The following DRGX variants were observed in gnomAD, a reference collection of about 807,000 sequenced individuals.
DRGX encodes the protein dorsal root ganglia homeobox, also known as dorsal root ganglia homeobox protein.
A neutral mutation model predicts 28.6 loss-of-function variants in DRGX; 21 were observed. The observed-to-expected ratio is 0.73, with a 90% CI of 0.52 to 1.06. The LOEUF (loss-of-function observed/expected upper bound fraction) is 1.06. DRGX is among the 50% of genes least tolerant of loss of function. DRGX has a pLI of 0.00. For missense variants in DRGX, 354 were observed against 343.9 expected (o/e 1.03, Z -0.23); for synonymous variants, 136 against 139.1 (o/e 0.98, Z 0.16).
chr10:49,382,313 G>A (rs1010162021), intron 6 of DRGX, among the ~76,000 whole-genome samples: 5 of 152,120 alleles, frequency 3.3e-5, no homozygotes, highest in Admixed American at 1.3e-4. Context: ...CCCAAGCCTC[G>A]GTTTCTCATT....
intron 6 of DRGX, among the ~76,000 whole-genome samples, chr10:49,373,745 C>G (rs1337076416): frequency 6.6e-6 from 1 of 152,104 alleles, no homozygotes; most frequent in Non-Finnish European, 1.5e-5. Context: ...TATAAGTCCC[C>G]GGGTTTACGG....
rs1564708744 is a variant in DRGX, at chr10:49,386,669, C to A, written c.413+11G>T. 1 of 1,573,590 alleles carries A rather than the reference C, an allele frequency of 6.4e-7. No homozygotes were observed. The highest frequency in any genetic ancestry group is 8.6e-7 in the Non-Finnish European group (1 of 1,160,244). On this transcript the variant is annotated intron_variant, in intron 5 of 6. Coordinates refer to ENST00000374139, the MANE Select transcript of DRGX (RefSeq NM_001276451.2). ...CCATGGCCCACCGGGCCCAGAGACC[C>A]ACAGCCTCACCTCTGCTGGGCCTCC...
At chr10:49,385,689 C>T (rs2132481796) in intron 6 of DRGX, among the ~76,000 whole-genome samples, 1 of 152,142 alleles carries the variant, frequency 6.6e-6, no homozygotes, top group East Asian at 1.9e-4. Context: ...GGTGTGTCTC[C>T]TACTTCCTAT....
At chr10:49,387,665 A>C (rs992022529) in intron 4 of DRGX, among the ~76,000 whole-genome samples, 9 of 149,168 alleles carry the variant, frequency 6.0e-5, no homozygotes, top group African/African-American at 1.5e-4. Context: ...TCCATCACAA[A>C]AAAAAAAAAA....
intron 2 of DRGX, among the ~76,000 whole-genome samples, chr10:49,393,293 C>G (rs536688781): frequency 6.6e-6 from 1 of 152,174 alleles, no homozygotes; most frequent in Non-Finnish European, 1.5e-5. Flanking sequence ...AATGATGTAG[C>G]AATATAATTT....
chr10:49,386,762 G>T lies in DRGX; in HGVS notation c.331C>A (p.Pro111Thr). 2 of 1,610,466 alleles carry T rather than the reference G, an allele frequency of 1.2e-6. No homozygotes were observed. Among genetic ancestry groups the T allele is most frequent in the Non-Finnish European group, 1.7e-6 (2 of 1,178,358 alleles). ...GAGTTGATGTTTCTCACTGGAGGAG[G>T]TGTCACCTCTGCCATGGGCTCCTTG... ...GAKEPMAEVT[P>T]PPVRNINSPP... The change falls in exon 5 of 7, where the codon CCT becomes ACT. Residue 111 changes from proline to threonine, a missense_variant. Pro to Thr is a conservative substitution (Grantham distance 38). Transcript: ENST00000374139.
chr10:49,371,646 G>A (rs1391445723), intron 6 of DRGX, among the ~76,000 whole-genome samples: 1 of 152,034 alleles, frequency 6.6e-6, no homozygotes, highest in Non-Finnish European at 1.5e-5. Context: ...ACAAAAATTA[G>A]CCAGGCATGA....
chr10:49,383,263 C>T (rs1365739758), intron 6 of DRGX, among the ~76,000 whole-genome samples: 5 of 152,202 alleles, frequency 3.3e-5, no homozygotes, highest in African/African-American at 4.8e-5. Flanking sequence ...TGGCAGGTTG[C>T]CTGGTAGAGC....
intron 6 of DRGX, among the ~76,000 whole-genome samples, chr10:49,367,305 GTGAGCCATGATTGCATCAC>G (rs1220515990): frequency 6.6e-6 from 1 of 152,038 alleles, no homozygotes; most frequent in Non-Finnish European, 1.5e-5. Flanking sequence ...CAAGGGTACA[GTGAGCCATGATTGCATCAC>G]TGCACTCCAG....
chr10:49,393,972 A>C (rs994212914), intron 2 of DRGX, among the ~76,000 whole-genome samples: 21 of 152,068 alleles, frequency 1.4e-4, no homozygotes, highest in Admixed American at 6.6e-5. Context: ...TGCCTTACCC[A>C]CTTTGACCAG....
intron 6 of DRGX, among the ~76,000 whole-genome samples, chr10:49,378,770 A>C (rs1446921044): frequency 6.6e-6 from 1 of 152,224 alleles, no homozygotes; most frequent in African/African-American, 2.4e-5. Flanking sequence ...ATCTATGACT[A>C]AACCTAATTG....
At chr10:49,382,286 GCAAGCGACTTCCCCTCCC>G (rs1300696094) in intron 6 of DRGX, among the ~76,000 whole-genome samples, 7 of 152,202 alleles carry the variant, frequency 4.6e-5, no homozygotes, top group Non-Finnish European at 7.3e-5. Context: ...TGATGTGTGA[GCAAGCGACTTCCCCTCCC>G]CAAGCCTCGG....
chr10:49,376,653 G>C (rs1378994304), intron 6 of DRGX, among the ~76,000 whole-genome samples: 1 of 152,168 alleles, frequency 6.6e-6, no homozygotes, highest in Non-Finnish European at 1.5e-5. Context: ...GGCACCATTA[G>C]GTATGGCTGT....
intron 6 of DRGX, among the ~76,000 whole-genome samples, chr10:49,371,262 A>T (rs1849656241): frequency 6.6e-6 from 1 of 152,174 alleles, no homozygotes; most frequent in South Asian, 2.1e-4. Flanking sequence ...AACATGATGG[A>T]GCTTCATCCT....
At chr10:49,375,881 G>A (rs1849711409) in intron 6 of DRGX, among the ~76,000 whole-genome samples, 1 of 152,254 alleles carries the variant, frequency 6.6e-6, no homozygotes, top group East Asian at 1.9e-4. Context: ...GCATGGGCAG[G>A]CTGCTTCTCC....
intron 6 of DRGX, among the ~76,000 whole-genome samples, chr10:49,370,742 A>G (rs954358088): frequency 1.4e-4 from 21 of 152,266 alleles, no homozygotes; most frequent in African/African-American, 4.8e-4. Flanking sequence ...AACAGGGGAC[A>G]AATCTAGTGA....
intron 6 of DRGX, among the ~76,000 whole-genome samples, chr10:49,376,701 A>AC (rs1849721147): frequency 6.6e-6 from 1 of 152,050 alleles, no homozygotes; most frequent in South Asian, 2.1e-4. Flanking sequence ...CCTGAAATCC[A>AC]CCCCAAGGTG....
chr10:49,390,547 T>A (rs1158391317), intron 3 of DRGX, among the ~76,000 whole-genome samples: 1 of 152,196 alleles, frequency 6.6e-6, no homozygotes, highest in African/African-American at 2.4e-5. Flanking sequence ...AGTCACCTTA[T>A]GAACTGTTAG....
At chr10:49,378,571 A>G (rs1590364771) in intron 6 of DRGX, among the ~76,000 whole-genome samples, 1 of 152,384 alleles carries the variant, frequency 6.6e-6, no homozygotes, top group East Asian at 1.9e-4. Flanking sequence ...TGCAAATTAT[A>G]TCTCAATAAA....
Sources: allele counts gnomAD v4.1 joint callset (sites outside exome capture counted in the v4.1 genomes callset), GRCh38; gene constraint gnomAD v4.1.1; transcripts MANE v1.5; gene names NCBI Gene and HGNC (gene_info 2026-07-23, HGNC 2026-07-21).